TNKS: variants seen among roughly 807,000 people sequenced by gnomAD.
The protein encoded by TNKS is tankyrase.
In TNKS, 72 loss-of-function variants were observed where a neutral mutation model predicts 135.8. The ratio of observed to expected loss-of-function variants is 0.53; its 90% confidence interval spans 0.44 to 0.64. TNKS has a LOEUF of 0.64. Ranked by LOEUF, TNKS falls within the 30% of genes least tolerant of loss-of-function variation. TNKS has a pLI of 0.00. For missense variants in TNKS, 1,769 were observed against 1,674.0 expected (o/e 1.06, Z -0.99); for synonymous variants, 849 against 649.3 (o/e 1.31, Z -4.68).
intron 5 of TNKS, among the ~76,000 whole-genome samples, chr8:9,683,832 T>A (rs1802879078): frequency 6.6e-6 from 1 of 151,986 alleles, no homozygotes; most frequent in South Asian, 2.1e-4. Context: ...TCCTAACCTT[T>A]AGAATTCTGA....
At chr8:9,615,561 G>A (rs781331329) in intron 2 of TNKS, 21 bp from the exon 3 acceptor site, 4 of 1,602,962 alleles carry the variant, frequency 2.5e-6, no homozygotes, top group African/African-American at 1.3e-5. Flanking sequence ...GTAAGATACT[G>A]TTTCTGCTTT....
At chr8:9,769,621 T>C (rs1428338169) in intron 25 of TNKS, among the ~76,000 whole-genome samples, 3 of 136,018 alleles carry the variant, frequency 2.2e-5, no homozygotes, top group East Asian at 4.1e-4. Flanking sequence ...TCTTTTTTTT[T>C]TTTTTTTTTT....
chr8:9,683,428 T>C (rs1309271689), intron 5 of TNKS, among the ~76,000 whole-genome samples: 1 of 152,058 alleles, frequency 6.6e-6, no homozygotes, highest in African/African-American at 2.4e-5. Context: ...AAATCAGGCA[T>C]ATAAAGTTTA....
At chr8:9,562,433 T>C (rs998045513) in intron 1 of TNKS, among the ~76,000 whole-genome samples, 2 of 152,306 alleles carry the variant, frequency 1.3e-5, no homozygotes, top group South Asian at 4.1e-4. Flanking sequence ...CTCATACATA[T>C]CCTATGAAAA....
chr8:9,570,910 A>T (rs1302139641), intron 1 of TNKS, among the ~76,000 whole-genome samples: 1 of 152,184 alleles, frequency 6.6e-6, no homozygotes, highest in Non-Finnish European at 1.5e-5. Context: ...TCAAGTTTGC[A>T]GTGAGCTCTG....
At chr8:9,769,954 A>T in intron 25 of TNKS, 152 bp from the exon 26 acceptor site, 1 of 663,658 alleles carries the variant, frequency 1.5e-6, no homozygotes, top group South Asian at 2.2e-5. Context: ...TCATTATATC[A>T]AATTCCATCC....
chr8:9,671,941 C>G (rs550449998), intron 3 of TNKS, among the ~76,000 whole-genome samples: 12 of 152,312 alleles, frequency 7.9e-5, no homozygotes, highest in African/African-American at 2.6e-4. Context: ...AAATCTCACA[C>G]AGACCTGCTG....
chr8:9,702,208 A>G (rs1309847804), intron 5 of TNKS, among the ~76,000 whole-genome samples: 1 of 152,208 alleles, frequency 6.6e-6, no homozygotes, highest in Non-Finnish European at 1.5e-5. Context: ...CAGAAAAAAT[A>G]TTTGATGAAA....
chr8:9,726,544 T>C (rs1001470736), intron 12 of TNKS, 97 bp from the exon 13 acceptor site: 7 of 810,456 alleles, frequency 8.6e-6, no homozygotes, highest in Non-Finnish European at 1.3e-5. Context: ...TGAACTACTT[T>C]GCAATCCCTC....
intron 2 of TNKS, among the ~76,000 whole-genome samples, chr8:9,592,901 A>G (rs1023120623): frequency 1.3e-5 from 2 of 152,176 alleles, no homozygotes; most frequent in African/African-American, 4.8e-5. Context: ...TATAAAACAC[A>G]TTTTATAGTC....
chr8:9,761,731 AC>A, intron 21 of TNKS, 95 bp downstream of exon 21: 1 of 1,292,316 alleles, frequency 7.7e-7, no homozygotes, highest in Non-Finnish European at 1.1e-6. Flanking sequence ...CAGTCCCAGA[AC>A]CATACACTGA....
chr8:9,557,821 G>C (rs994681559), intron 1 of TNKS: 1 of 152,136 alleles, frequency 6.6e-6, no homozygotes, highest in Admixed American at 6.5e-5. Context: ...TTTTACAGAT[G>C]ACAAAAGTGA....
intron 25 of TNKS, 137 bp downstream of exon 25, chr8:9,766,562 C>G (rs748769724): frequency 3.1e-5 from 22 of 706,508 alleles, no homozygotes; most frequent in Non-Finnish European, 4.1e-5. Context: ...TCCTGGCTCA[C>G]GCAACCTCCA....
intron 1 of TNKS, among the ~76,000 whole-genome samples, chr8:9,572,118 T>A (rs1797778585): frequency 6.6e-6 from 1 of 152,232 alleles, no homozygotes; most frequent in South Asian, 2.1e-4. Flanking sequence ...ACACACGTAC[T>A]ACTGAATTCA....
chr8:9,753,163 T>C (rs1806642506), intron 20 of TNKS, among the ~76,000 whole-genome samples: 1 of 152,158 alleles, frequency 6.6e-6, no homozygotes, highest in Non-Finnish European at 1.5e-5. Context: ...TGCATTTTAT[T>C]ACATGTCAAA....
At chr8:9,689,236 T>C (rs1803150706) in intron 5 of TNKS, among the ~76,000 whole-genome samples, 1 of 152,224 alleles carries the variant, frequency 6.6e-6, no homozygotes, top group Admixed American at 6.5e-5. Flanking sequence ...TCTCATTCAG[T>C]TAAATTAGGA....
chr8:9,663,307 C>T (rs536265815), intron 3 of TNKS, among the ~76,000 whole-genome samples: 2 of 152,236 alleles, frequency 1.3e-5, no homozygotes, highest in East Asian at 1.9e-4. Flanking sequence ...CCTTTTGTTG[C>T]CCAGTTACCT....
rs114811903 is a variant in TNKS, at chr8:9,581,413, T to A, written c.898+1030T>A. On this transcript the variant is annotated intron_variant, in intron 2 of 26. Transcript: ENST00000310430. ...TTTCAGTTTTTTGACATCTTCCAGT[T>A]TCAACTGACTCTCCCATTTCCTCCT... Among the ~76,000 whole-genome samples the A allele has an allele frequency of 9.8e-3, 1,490 of 152,280 alleles. 19 individuals carry two copies. The highest frequency in any genetic ancestry group is 0.028 in the African/African-American group (1,158 of 41,552).
Position 9,667,915 on chromosome 8 carries a change from A to C in TNKS, c.995-12036A>C, listed in dbSNP as rs1354565767. On this transcript the variant is annotated intron_variant, in intron 3 of 26. Coordinates refer to ENST00000310430, the MANE Select transcript of TNKS (RefSeq NM_003747.3). Reference sequence around the variant, plus strand: ...ACGTCATTTATTTTTTCATTTAACAAATATACAGGCACTGTTTACAATATG... The same window carrying C: ...ACGTCATTTATTTTTTCATTTAACACATATACAGGCACTGTTTACAATATG... Among the ~76,000 whole-genome samples the C allele has an allele frequency of 5.3e-5, 8 of 151,876 alleles. 1 individual carries two copies. The South Asian group carries it at 6.2e-4, about 12-fold the overall frequency.
Sources: allele counts gnomAD v4.1 joint callset (sites outside exome capture counted in the v4.1 genomes callset), GRCh38; gene constraint gnomAD v4.1.1; transcripts MANE v1.5; gene names NCBI Gene and HGNC (gene_info 2026-07-23, HGNC 2026-07-21).